The following IFI35 variants were observed in gnomAD, a reference collection of about 807,000 sequenced individuals.
IFI35 encodes the protein interferon induced protein 35, also known as interferon-induced 35 kDa protein.
In IFI35, 30 loss-of-function variants were observed where a neutral mutation model predicts 28.6. The observed-to-expected ratio is 1.05, with a 90% CI of 0.79 to 1.43. The LOEUF is 1.43. IFI35 is among the 40% of genes most tolerant of loss of function. The probability of loss-of-function intolerance (pLI) is 0.00; values close to 1 mark genes in which losing one functional copy is unlikely to be tolerated. For missense variants in IFI35, 372 were observed against 356.9 expected (o/e 1.04, Z -0.34); for synonymous variants, 146 against 154.8 (o/e 0.94, Z 0.42).
intron 1 of IFI35, among the ~76,000 whole-genome samples, chr17:43,008,312 G>C (rs143166530): frequency 0.011 from 1,565 of 147,860 alleles, 16 homozygotes; most frequent in Middle Eastern, 0.057. Flanking sequence ...GGGATTACAG[G>C]TGTAAGCCAC....
intron 1 of IFI35, 124 bp downstream of exon 1, chr17:43,007,092 G>A (rs1037526060): frequency 9.3e-7 from 1 of 1,069,720 alleles, no homozygotes; most frequent in Non-Finnish European, 1.5e-6. Context: ...CTGCTGAAGG[G>A]CTGGGGAGAA....
At chr17:43,007,847 TTA>T (rs68028192) in intron 1 of IFI35, among the ~76,000 whole-genome samples, 68,771 of 119,218 alleles carry the variant, frequency 0.58, 20,661 homozygotes, top group Admixed American at 0.68. Flanking sequence ...CACACAAAAT[TTA>T]TATATATATA....
chr17:43,014,111 A>G lies in IFI35; in HGVS notation c.673A>G (p.Arg225Gly). ...CATCTCCTGGCTCCTTTTCCAGATC[A>G]GGTCGCAGCCAGTTCCCCGCTCGGT... ...VNGEIQKAEI[R>G]SQPVPRSVLV... Residue 225 changes from arginine to glycine, a missense_variant, in exon 7 of 7, where the codon AGG (arginine) becomes GGG (glycine). Coordinates refer to ENST00000415816, the MANE Select transcript of IFI35 (RefSeq NM_001330230.2). The G allele has an allele frequency of 1.2e-5, 19 of 1,613,560 alleles. No individual in the cohort carries two copies. The highest frequency in any genetic ancestry group is 1.6e-5 in the Non-Finnish European group (19 of 1,179,748).
At position 43,006,796 on chromosome 17, in the gene IFI35, G is replaced by A. The variant is rs1187891839; in HGVS notation, c.-152G>A. The A allele has an allele frequency of 1.4e-6, 1 of 726,248 alleles. No individual in the cohort carries two copies. Among genetic ancestry groups the A allele is most frequent in the Admixed American group, 2.0e-5 (1 of 49,930 alleles). The allele number at this position is 726,248 out of a possible 1,614,324, so 45.0% of individuals were successfully genotyped here. ...ATGAAAGTGGAAGCAAACAGCCTGC[G>A]AGCAGAGCCTCCTGAGGTGTATTTC... On this transcript the variant is annotated 5_prime_UTR_variant, in exon 1 of 7. Coordinates refer to ENST00000415816, the MANE Select transcript of IFI35 (RefSeq NM_001330230.2).
In IFI35 at chr17:43,013,679, C is replaced by G. The variant is rs1350408915; in HGVS notation, c.562+17C>G. 9 of 1,612,326 alleles carry G rather than the reference C, an allele frequency of 5.6e-6. No individual in the cohort carries two copies. The highest frequency in any genetic ancestry group is 7.6e-6 in the Non-Finnish European group (9 of 1,178,506). Reference sequence around the variant, plus strand: ...GGGATGGAGGTGAGGGCTATGCAGGCCTCCTGCAGGGGAGAGGGTATAGGG... The same window carrying G: ...GGGATGGAGGTGAGGGCTATGCAGGGCTCCTGCAGGGGAGAGGGTATAGGG... On this transcript the variant is annotated intron_variant, in intron 5 of 6. Coordinates refer to ENST00000415816, the MANE Select transcript of IFI35 (RefSeq NM_001330230.2).
chr17:43,011,158 A>G (rs1246353356), intron 1 of IFI35, among the ~76,000 whole-genome samples: 2 of 152,204 alleles, frequency 1.3e-5, no homozygotes, highest in African/African-American at 4.8e-5. Context: ...CTGGAGTCAG[A>G]CAGCCTAGGG....
rs750237021 is a variant in IFI35, at chr17:43,006,899, CTG to C, written c.-46_-45del. On this transcript the variant is annotated 5_prime_UTR_variant, in exon 1 of 7. Transcript: ENST00000415816. Reference sequence around the variant, plus strand: ...AGTTCAGTTGCTGTGAATTCTGCCACTGTGCCCAGCTCTGAAGCCTCAGCTCT... The same window carrying C: ...AGTTCAGTTGCTGTGAATTCTGCCACTGCCCAGCTCTGAAGCCTCAGCTCT... The C allele has an allele frequency of 1.2e-6, 2 of 1,611,070 alleles. No homozygotes were observed. The highest frequency in any genetic ancestry group is 1.7e-6 in the Non-Finnish European group (2 of 1,177,216).
At position 43,013,861 on chromosome 17, in the gene IFI35, C is replaced by T. The variant is rs13229; in HGVS notation, c.648C>T (p.Asn216=). The T allele has an allele frequency of 1, 1,597,556 of 1,603,820 alleles. 795,839 individuals are homozygous for T. Among genetic ancestry groups the T allele is most frequent in the East Asian group, 1 (44,712 of 44,712 alleles). ...QVPLRVSPYV[N]GEIQKAEIRS... ...CTCTGAGAGTCTCTCCGTATGTGAA[C>T]GGGGAGATCCAGAAGGCTGAGGTAA... Residue 216 remains asparagine (N), a synonymous_variant, in exon 6 of 7, where the codon AAC becomes AAT. Coordinates refer to ENST00000415816, the MANE Select transcript of IFI35 (RefSeq NM_001330230.2).
intron 1 of IFI35, among the ~76,000 whole-genome samples, chr17:43,008,690 G>A (rs1190962149): frequency 6.6e-6 from 1 of 151,090 alleles, no homozygotes; most frequent in East Asian, 2.0e-4. Context: ...CGCCCAGCTA[G>A]TTTTTTGTAT....
At chr17:43,012,915 C>A in intron 2 of IFI35, 132 bp from the exon 3 acceptor site, 1 of 972,666 alleles carries the variant, frequency 1.0e-6, no homozygotes, top group Non-Finnish European at 1.6e-6. Flanking sequence ...TGCATTCATC[C>A]ACTCATTTAT....
intron 1 of IFI35, 125 bp downstream of exon 1, chr17:43,007,093 C>A: frequency 2.8e-6 from 3 of 1,060,264 alleles, no homozygotes; most frequent in Non-Finnish European, 4.4e-6. Context: ...TGCTGAAGGG[C>A]TGGGGAGAAA....
At chr17:43,007,102 AAC>A in intron 1 of IFI35, 134 bp downstream of exon 1, 1 of 972,896 alleles carries the variant, frequency 1.0e-6, no homozygotes, top group Non-Finnish European at 1.7e-6. Flanking sequence ...GCTGGGGAGA[AAC>A]ACAGGGCTGG....
At chr17:43,012,711 G>C (rs1180001325) in intron 2 of IFI35, 1 of 296,972 alleles carries the variant, frequency 3.4e-6, no homozygotes, top group Non-Finnish European at 6.3e-6. Context: ...CTCCAGCTGG[G>C]TGACAGAGCA....
intron 6 of IFI35, 23 bp downstream of exon 6, chr17:43,013,905 A>C: frequency 6.5e-7 from 1 of 1,529,468 alleles, no homozygotes; most frequent in Non-Finnish European, 8.9e-7. Context: ...GGTGAAGAAC[A>C]GGGGCTGGGC....
chr17:43,011,783 G>C lies in IFI35; in HGVS notation c.22-396G>C, dbSNP rs577213731. ...TGGGATTGTCCCTCTTCCAAATTCC[G>C]GCTGCCCTTCACAGTCAGTCATGTG... is the stretch of plus-strand genomic sequence containing the variant. On this transcript the variant is annotated intron_variant, in intron 1 of 6. Transcript: ENST00000415816. 7.2e-5 allele frequency among the ~76,000 whole-genome samples: 11 copies of C among 152,228 alleles called. No individual in the cohort carries two copies. The East Asian group carries it at 1.9e-3, about 27-fold the overall frequency.
At chr17:43,009,764 TAAATAAA>T (rs1284829144) in intron 1 of IFI35, among the ~76,000 whole-genome samples, 15 of 147,042 alleles carry the variant, frequency 1.0e-4, no homozygotes, top group African/African-American at 3.8e-4. Flanking sequence ...AATAAATAAA[TAAATAAA>T]AAATAAAAAA....
At chr17:43,007,821 C>G (rs375016586) in intron 1 of IFI35, among the ~76,000 whole-genome samples, 1 of 124,400 alleles carries the variant, frequency 8.0e-6, no homozygotes, top group South Asian at 2.7e-4. Context: ...GGGAGACTGT[C>G]TCTCACACAC....
Position 43,011,363 on chromosome 17 carries a change from A to G in IFI35, c.22-816A>G, listed in dbSNP as rs538804195. 1.1e-4 allele frequency among the ~76,000 whole-genome samples: 16 copies of G among 152,236 alleles called. No homozygotes were observed. In the South Asian group the frequency reaches 3.1e-3, roughly 30 times the overall value. On this transcript the variant is annotated intron_variant, in intron 1 of 6. Coordinates refer to ENST00000415816, the MANE Select transcript of IFI35 (RefSeq NM_001330230.2). ...GTGAAAACCTGTTTCTACTAAAAAT[A>G]CAAAAATGAGCCAGGTGTGGTGGTG...
Position 43,014,401 on chromosome 17 carries a change from G to A in IFI35, c.*102G>A. 1.4e-6 allele frequency: 1 copy of A among 730,394 alleles called. No homozygotes were observed. Among genetic ancestry groups the A allele is most frequent in the Non-Finnish European group, 2.2e-6 (1 of 458,698 alleles). The allele number at this position is 730,394 out of a possible 1,614,324, so 45.2% of individuals were successfully genotyped here. A position where few individuals can be genotyped will look rare whatever the true frequency, so the allele number is the denominator to read the frequency against. On this transcript the variant is annotated 3_prime_UTR_variant, in exon 7 of 7. Coordinates refer to ENST00000415816, the MANE Select transcript of IFI35 (RefSeq NM_001330230.2). ...GGTCTGTATGTTCACCAACAGTGCG[G>A]AGGGGTCACACATTGCAAAACACTG...
Sources: allele counts gnomAD v4.1 joint callset (sites outside exome capture counted in the v4.1 genomes callset), GRCh38; gene constraint gnomAD v4.1.1; transcripts MANE v1.5; gene names NCBI Gene and HGNC (gene_info 2026-07-23, HGNC 2026-07-21).